Variants in MTOR observed in about 807,000 individuals in gnomAD.
MTOR encodes serine/threonine-protein kinase mTOR.
A neutral mutation model predicts 319.8 loss-of-function variants in MTOR; 70 were observed. The observed-to-expected ratio is 0.22, with a 90% CI of 0.18 to 0.27. MTOR has a LOEUF of 0.27. MTOR is among the 10% of genes least tolerant of loss of function. The pLI is 1.00. For synonymous variants in MTOR, 1,183 were observed against 1,211.4 expected (o/e 0.98, Z 0.49); for missense variants, 1,890 against 3,274.4 (o/e 0.58, Z 10.32).
At chr1:11,118,009 G>A (rs563521019) in intron 49 of MTOR, among the ~76,000 whole-genome samples, 1 of 151,966 alleles carries the variant, frequency 6.6e-6, no homozygotes, top group Admixed American at 6.6e-5. Context: ...AACCCAGGAG[G>A]CAGAGGTTGA....
chr1:11,194,387 G>C (rs1182012575), intron 28 of MTOR: 1 of 1,413,450 alleles, frequency 7.1e-7, no homozygotes, highest in Non-Finnish European at 1.0e-6. Flanking sequence ...GGGACTGTCA[G>C]GAGAGAAGGG....
At position 11,167,926 on chromosome 1, in the gene MTOR, C is replaced by T. The variant is rs758808278; in HGVS notation, c.4254-409G>A. Among the ~76,000 whole-genome samples, 49 of 152,172 alleles carry T rather than the reference C, an allele frequency of 3.2e-4. 1 individual carries two copies. The highest frequency in any genetic ancestry group is 5.9e-4 in the Non-Finnish European group (40 of 68,000). On this transcript the variant is annotated intron_variant, in intron 28 of 57. Coordinates refer to ENST00000361445, the MANE Select transcript of MTOR (RefSeq NM_004958.4). ...CTACTAAAAATACAAAAAAATTAGC[C>T]GGGCGTGGTGGCAGGCACCTGTAGT...
chr1:11,158,080 T>G (rs1051415859), intron 29 of MTOR, among the ~76,000 whole-genome samples: 2 of 152,276 alleles, frequency 1.3e-5, no homozygotes, highest in African/African-American at 4.8e-5. Flanking sequence ...AGTTACAGAC[T>G]ATGACTCTCC....
At chr1:11,214,808 GTC>G (rs528317372) in intron 20 of MTOR, among the ~76,000 whole-genome samples, 77 of 152,276 alleles carry the variant, frequency 5.1e-4, no homozygotes, top group Middle Eastern at 3.4e-3. Context: ...AGCCTCCAGA[GTC>G]TGTCTGATGT....
At chr1:11,241,519 T>C in intron 10 of MTOR, 34 bp downstream of exon 10, 3 of 1,589,856 alleles carry the variant, frequency 1.9e-6, no homozygotes, top group Non-Finnish European at 2.6e-6. Context: ...AGCCTCACGC[T>C]GATACAGGGC....
intron 49 of MTOR, among the ~76,000 whole-genome samples, chr1:11,119,534 G>A (rs1642383727): frequency 7.3e-6 from 1 of 136,176 alleles, no homozygotes; most frequent in East Asian, 2.2e-4. Context: ...TCGCGCCACT[G>A]CACTCCAGCC....
At chr1:11,204,444 C>T in intron 26 of MTOR, 117 bp downstream of exon 26, 1 of 1,363,966 alleles carries the variant, frequency 7.3e-7, no homozygotes, top group Non-Finnish European at 9.8e-7. Context: ...CTTTGTATCC[C>T]ACAAAATTAG....
rs758062043 is a variant in MTOR, at chr1:11,204,662, C to T, written c.3843G>A (p.Leu1281=). 1.2e-6 allele frequency: 2 copies of T among 1,614,200 alleles called. No individual in the cohort carries two copies. The highest frequency in any genetic ancestry group is 3.3e-5 in the Admixed American group (2 of 60,030). ...AARRVSKDDW[L]EWLRRLSLEL... ...CCAGGCTCAGCCGTCTCAGCCATTC[C>T]AGCCAGTCATCTTTGGAGACCCTCC... The change falls in exon 26 of 58, where the codon CTG becomes CTA. Residue 1281 remains leucine, a synonymous_variant. Coordinates refer to ENST00000361445, the MANE Select transcript of MTOR (RefSeq NM_004958.4).
At chr1:11,242,237 G>A (rs944061035) in intron 9 of MTOR, among the ~76,000 whole-genome samples, 8 of 152,096 alleles carry the variant, frequency 5.3e-5, no homozygotes, top group Non-Finnish European at 8.8e-5. Flanking sequence ...GCTGGCACAC[G>A]CCTGTAGTCC....
chr1:11,209,763 G>A (rs1204074905), intron 24 of MTOR, among the ~76,000 whole-genome samples: 1 of 152,158 alleles, frequency 6.6e-6, no homozygotes, highest in Non-Finnish European at 1.5e-5. Flanking sequence ...GAGCAAAGGT[G>A]GCAAACAGCC....
intron 10 of MTOR, 53 bp downstream of exon 10, chr1:11,241,500 T>C (rs1557472365): frequency 1.3e-6 from 2 of 1,561,894 alleles, no homozygotes; most frequent in African/African-American, 1.4e-5. Flanking sequence ...GTCCCAACAC[T>C]GGGGGCCAAG....
chr1:11,162,184 G>A (rs781346387), intron 29 of MTOR, among the ~76,000 whole-genome samples: 31 of 152,242 alleles, frequency 2.0e-4, no homozygotes, highest in Non-Finnish European at 3.7e-4. Flanking sequence ...AAGGGTATCA[G>A]TGACTGAAGA....
intron 3 of MTOR, among the ~76,000 whole-genome samples, chr1:11,258,225 G>A (rs966827587): frequency 5.3e-5 from 8 of 152,204 alleles, no homozygotes; most frequent in Admixed American, 3.9e-4. Flanking sequence ...AAGGCAATAT[G>A]AAGGAGTGGA....
intron 28 of MTOR, among the ~76,000 whole-genome samples, chr1:11,187,963 C>CA (rs1201582818): frequency 2.6e-5 from 4 of 151,998 alleles, no homozygotes; most frequent in Non-Finnish European, 5.9e-5. Context: ...CCTGATCCTC[C>CA]ACTGCTTTTT....
At chr1:11,150,384 C>T (rs1322084981) in intron 30 of MTOR, among the ~76,000 whole-genome samples, 158 bp from the exon 31 acceptor site, 1 of 152,084 alleles carries the variant, frequency 6.6e-6, no homozygotes, top group Non-Finnish European at 1.5e-5. Context: ...AATCAATGGG[C>T]TATTTGTTGT....
In MTOR at chr1:11,106,831, C is replaced by A; in HGVS notation, c.*654G>T. 1 of 1,307,938 alleles carries A rather than the reference C, an allele frequency of 7.6e-7. No individual in the cohort carries two copies. The highest frequency in any genetic ancestry group is 9.9e-7 in the Non-Finnish European group (1 of 1,007,248). 81.0% of individuals were successfully genotyped at this position (1,307,938 alleles called of 1,614,324 possible). The stretch of plus-strand genomic sequence containing the variant: ...TGATCCCCTCTGTGCATCTGCTCAG[C>A]CGAGGCTGCCAGCGATCTGAATAAA... On this transcript the variant is annotated 3_prime_UTR_variant, in exon 58 of 58. Coordinates refer to ENST00000361445, the MANE Select transcript of MTOR (RefSeq NM_004958.4).
At position 11,210,873 on chromosome 1, in the gene MTOR, G is replaced by A; in HGVS notation, c.3595C>T (p.Leu1199=). 6.2e-7 allele frequency: 1 copy of A among 1,613,780 alleles called. No homozygotes were observed. The part of the protein sequence containing the change: ...QIFIPMVNKV[L]VRHRINHQRY... The stretch of plus-strand genomic sequence containing the variant: ...TGATGATTGATTCGGTGTCGCACCA[G>A]AACTTTATTCACCATTGGAATGAAA... The change falls in exon 24 of 58, where the codon CTG becomes TTG. Residue 1199 remains leucine, a synonymous_variant. Coordinates refer to ENST00000361445, the MANE Select transcript of MTOR (RefSeq NM_004958.4).
chr1:11,171,272 T>C (rs1276657917), intron 28 of MTOR, among the ~76,000 whole-genome samples: 5 of 151,892 alleles, frequency 3.3e-5, no homozygotes, highest in African/African-American at 1.2e-4. Context: ...AACATTCTAT[T>C]TTCTTTTCTT....
intron 19 of MTOR, among the ~76,000 whole-genome samples, chr1:11,219,239 C>G (rs897063894): frequency 2.0e-5 from 3 of 151,440 alleles, no homozygotes; most frequent in African/African-American, 7.3e-5. Context: ...ACTAAAGCCT[C>G]TCACATAAAG....
Sources: gnomAD v4.1 joint callset for allele counts (sites outside exome capture counted in the v4.1 genomes callset) on GRCh38, gnomAD v4.1.1 for gene constraint, MANE v1.5 for transcripts, NCBI Gene and HGNC (gene_info 2026-07-23, HGNC 2026-07-21) for gene names.